The following PKP3 variants were observed in gnomAD, a reference collection of about 807,000 sequenced individuals.
PKP3 encodes plakophilin 3, also known as plakophilin-3.
Under a neutral mutation model 76.5 loss-of-function variants are expected in PKP3, and 66 were observed. That is an observed-to-expected ratio of 0.86 (90% CI 0.71 to 1.06). The LOEUF is 1.06. Ranked by LOEUF, PKP3 falls within the 50% of genes least tolerant of loss-of-function variation. The pLI, the probability that PKP3 is intolerant of heterozygous loss-of-function variation, is 0.00. For synonymous variants in PKP3, 638 were observed against 516.5 expected (o/e 1.24, Z -3.19); for missense variants, 1,338 against 1,141.0 (o/e 1.17, Z -2.49).
chr11:403,924 G>T lies in PKP3; in HGVS notation c.2078-19G>T. The T allele has an allele frequency of 1.3e-6, 2 of 1,582,240 alleles. No homozygotes were observed. Among genetic ancestry groups the T allele is most frequent in the South Asian group, 2.3e-5 (2 of 86,588 alleles). On this transcript the variant is annotated intron_variant, in intron 10 of 12. Coordinates refer to ENST00000331563, the MANE Select transcript of PKP3 (RefSeq NM_007183.4). Reference sequence around the variant, plus strand: ...GTGGCCAGGAGTAGGGGTGCAGACTGACCCCCGGCCTCCCACAGCCACGAA... The same window carrying T: ...GTGGCCAGGAGTAGGGGTGCAGACTTACCCCCGGCCTCCCACAGCCACGAA...
chr11:403,994 A>G lies in PKP3; in HGVS notation c.2129A>G (p.Glu710Gly). ...GAGAAGCTGCCGGGCAGCGTGGGTG[A>G]GAAGTCGCCCCCAGCCGAGGTGCTG... ...LIEKLPGSVG[E>G]KSPPAEVLVN... Residue 710 changes from glutamate to glycine, a missense_variant, in exon 11 of 13, where the codon GAG becomes GGG. By Grantham distance (98) the Glu-to-Gly change is moderately conservative. Coordinates refer to ENST00000331563, the MANE Select transcript of PKP3 (RefSeq NM_007183.4). The G allele has an allele frequency of 6.2e-7, 1 of 1,611,204 alleles. No individual in the cohort carries two copies. The highest frequency in any genetic ancestry group is 1.3e-5 in the African/African-American group (1 of 75,002).
At position 403,198 on chromosome 11, in the gene PKP3, C is replaced by G; in HGVS notation, c.1858C>G (p.Leu620Val). The G allele has an allele frequency of 6.3e-7, 1 of 1,591,058 alleles. No individual in the cohort carries two copies. The highest frequency in any genetic ancestry group is 8.5e-7 in the Non-Finnish European group (1 of 1,170,760). The change falls in exon 9 of 13, where the codon CTC becomes GTC. Residue 620 changes from leucine to valine, a missense_variant. Coordinates refer to ENST00000331563, the MANE Select transcript of PKP3 (RefSeq NM_007183.4). ...LYNRLLQRCELNRHTTEAAAG... is the reference protein window; with the variant it reads ...LYNRLLQRCEVNRHTTEAAAG... ...CAACCGGCTGCTGCAGCGCTGCGAG[C>G]TCAACCGGCACACGACGGAGGCGGC...
At position 404,457 on chromosome 11, in the gene PKP3, A is replaced by C. The variant is rs1425369903; in HGVS notation, c.2359-77A>C. On this transcript the variant is annotated intron_variant, in intron 12 of 12. Transcript: ENST00000331563. This position sits in a 1 kb window ranked among gnomAD's most constrained non-coding sequence, Gnocchi z 4.2. ...AGGAAGGGTCCGGGCCACACCCAGC[A>C]CACTGCAGGAGGGACAGCGGGCAGA... 1.3e-6 allele frequency: 2 copies of C among 1,530,128 alleles called. No individual in the cohort carries two copies. The highest frequency in any genetic ancestry group is 3.3e-5 in the Admixed American group (2 of 59,866). 94.8% of individuals were successfully genotyped at this position (1,530,128 alleles called of 1,614,324 possible). A position where few individuals can be genotyped will look rare whatever the true frequency, so the allele number is the denominator to read the frequency against.
chr11:392,609 C>G (rs1011778137), upstream of PKP3: 22 of 1,276,524 alleles, frequency 1.7e-5, no homozygotes, highest in Non-Finnish European at 2.1e-5. Context: ...GAGGCTGCCC[C>G]GCACGCGCCG....
intron 8 of PKP3, 40 bp downstream of exon 8, chr11:400,745 G>T: frequency 1.8e-6 from 2 of 1,140,950 alleles, no homozygotes; most frequent in South Asian, 3.7e-5. Context: ...TGGGTGCTGC[G>T]ACCCCGGCCC....
At position 397,242 on chromosome 11, in the gene PKP3, C is replaced by A; in HGVS notation, c.741C>A (p.Ala247=). The A allele has an allele frequency of 6.3e-7, 1 of 1,599,740 alleles. No individual in the cohort carries two copies. The highest frequency in any genetic ancestry group is 8.5e-7 in the Non-Finnish European group (1 of 1,178,574). Residue 247 remains alanine (A), a synonymous_variant, in exon 3 of 13, where the codon GCC becomes GCA. Coordinates refer to ENST00000331563, the MANE Select transcript of PKP3 (RefSeq NM_007183.4). ...VSPSRTIRAP[A]VRTLQRFQSS... Reference sequence around the variant, plus strand: ...CGAGCCGGACCATCCGTGCCCCTGCCGTGCGGACCCTGCAGCGATTCCAGA... The same window carrying A: ...CGAGCCGGACCATCCGTGCCCCTGCAGTGCGGACCCTGCAGCGATTCCAGA...
chr11:394,124 G>C, upstream of PKP3: 1 of 1,092,898 alleles, frequency 9.1e-7, no homozygotes, highest in East Asian at 3.3e-5. Context: ...ACCTGGCCAG[G>C]TGTCCCCGCC....
rs1200086272 is a variant in PKP3, at chr11:397,705, C to T, written c.1068+43C>T. 11 of 1,591,644 alleles carry T rather than the reference C, an allele frequency of 6.9e-6. 1 individual carries two copies. The South Asian group carries it at 1.0e-4, about 15-fold the overall frequency. ...CCACTCGCTGCCCCCTGGTGACCTCCTTCGTGGGCCCCACCACCTCCCACT... is the reference window on the plus strand; with the variant it reads ...CCACTCGCTGCCCCCTGGTGACCTCTTTCGTGGGCCCCACCACCTCCCACT... On this transcript the variant is annotated intron_variant, in intron 4 of 12. Coordinates refer to ENST00000331563, the MANE Select transcript of PKP3 (RefSeq NM_007183.4).
Position 400,056 on chromosome 11 carries a change from C to A in PKP3, c.1363C>A (p.Pro455Thr). ...GCAGCTCACAGACCTGGTGTTGAGC[C>A]CCCTGTCGGGGGCTGGGGGTCCCCC... ...LEQLTDLVLS[P>T]LSGAGGPPLI... Residue 455 changes from proline (P) to threonine (T), a missense_variant, in exon 6 of 13, where the codon CCC becomes ACC. Transcript: ENST00000331563. 1.2e-6 allele frequency: 2 copies of A among 1,605,966 alleles called. No homozygotes were observed. Among genetic ancestry groups the A allele is most frequent in the Non-Finnish European group, 1.7e-6 (2 of 1,177,880 alleles).
chr11:393,290 C>G (rs1846999437), upstream of PKP3, among the ~76,000 whole-genome samples: 1 of 151,810 alleles, frequency 6.6e-6, no homozygotes, highest in Non-Finnish European at 1.5e-5. Context: ...CCATCCAGGC[C>G]TCTGCTCTTC....
At chr11:394,107 C>G (rs1847010514), upstream of PKP3, 2 of 898,170 alleles carry the variant, frequency 2.2e-6, no homozygotes, top group African/African-American at 1.8e-5. Context: ...GGCGGCCCCT[C>G]CCTCCCACCT....
chr11:397,057 C>T lies in PKP3; in HGVS notation c.556C>T (p.Leu186=), dbSNP rs1847058496. 1 of 1,599,058 alleles carries T rather than the reference C, an allele frequency of 6.3e-7. No individual in the cohort carries two copies. The highest frequency in any genetic ancestry group is 1.7e-5 in the Admixed American group (1 of 59,908). Residue 186 remains leucine (L), a synonymous_variant, in exon 3 of 13, where the codon CTG becomes TTG. Transcript: ENST00000331563. ...YDTLSLRSLR[L]GPGGLDDRYS... ...CACACTCTCCCTGCGCTCGCTGCGG[C>T]TGGGGCCCGGGGGCCTGGACGACCG... is the stretch of plus-strand genomic sequence containing the variant.
At position 404,328 on chromosome 11, in the gene PKP3, G is replaced by A. The variant is rs762456989; in HGVS notation, c.2358+5G>A. The A allele has an allele frequency of 6.8e-6, 11 of 1,611,068 alleles. No homozygotes were observed. The highest frequency in any genetic ancestry group is 4.4e-5 in the South Asian group (4 of 91,058). ...CTCCACCGTGACTTCCGGGCGGTACGTTTCCCGAGCCCAGGGCAAGCAGGG... is the reference window on the plus strand; with the variant it reads ...CTCCACCGTGACTTCCGGGCGGTACATTTCCCGAGCCCAGGGCAAGCAGGG... On this transcript the variant is annotated splice_donor_5th_base_variant and intron_variant, in intron 12 of 12. Coordinates refer to ENST00000331563, the MANE Select transcript of PKP3 (RefSeq NM_007183.4). This position sits in a 1 kb window ranked among gnomAD's most constrained non-coding sequence, Gnocchi z 4.2.
Position 404,857 on chromosome 11 carries a change from G to A in PKP3, c.*288G>A, listed in dbSNP as rs1847230885. The A allele has an allele frequency of 2.0e-6, 1 of 495,600 alleles. No homozygotes were observed. The highest frequency in any genetic ancestry group is 3.7e-6 in the Non-Finnish European group (1 of 271,288). The allele number at this position is 495,600 out of a possible 1,614,324, so 30.7% of individuals were successfully genotyped here. On this transcript the variant is annotated 3_prime_UTR_variant, in exon 13 of 13. Coordinates refer to ENST00000331563, the MANE Select transcript of PKP3 (RefSeq NM_007183.4). The surrounding 1 kb of genome is among the most constrained non-coding windows in gnomAD (Gnocchi z 4.2). ...AGAGGTGGGGGTTGGCTGTGGCCTG[G>A]CAGTATCTTGGGATAGCCAGCACTG...
Position 404,425 on chromosome 11 carries a change from C to T in PKP3, c.2358+102C>T, listed in dbSNP as rs751614027. On this transcript the variant is annotated intron_variant, in intron 12 of 12. Coordinates refer to ENST00000331563, the MANE Select transcript of PKP3 (RefSeq NM_007183.4). This position sits in a 1 kb window ranked among gnomAD's most constrained non-coding sequence, Gnocchi z 4.2. ...CCCATGGGAGGATGGAGACCAGGGA[C>T]CCAGAGAGGAAGGGTCCGGGCCACA... 1 of 1,476,466 alleles carries T rather than the reference C, an allele frequency of 6.8e-7. No individual in the cohort carries two copies. Among genetic ancestry groups the T allele is most frequent in the Non-Finnish European group, 9.5e-7 (1 of 1,056,290 alleles). The allele number at this position is 1,476,466 out of a possible 1,614,324, so 91.5% of individuals were successfully genotyped here.
intron 5 of PKP3, 125 bp from the exon 6 acceptor site, chr11:399,841 GC>G: frequency 1.3e-6 from 1 of 752,548 alleles, no homozygotes; most frequent in South Asian, 1.8e-5. Flanking sequence ...CCCCAGTGGG[GC>G]TCGTGGGTGA....
In PKP3 at chr11:398,973, C is replaced by T. The variant is rs761688573; in HGVS notation, c.1069-19C>T. On this transcript the variant is annotated intron_variant, in intron 4 of 12. Coordinates refer to ENST00000331563, the MANE Select transcript of PKP3 (RefSeq NM_007183.4). Reference sequence around the variant, plus strand: ...CCATCCACATGCGTCTGTGCACCCCCATATGCCTGTGCCCGCAGGCCCGCA... The same window carrying T: ...CCATCCACATGCGTCTGTGCACCCCTATATGCCTGTGCCCGCAGGCCCGCA... 3 of 1,542,170 alleles carry T rather than the reference C, an allele frequency of 1.9e-6. No homozygotes were observed. The highest frequency in any genetic ancestry group is 2.7e-5 in the African/African-American group (2 of 73,616).
chr11:404,376 G>A lies in PKP3; in HGVS notation c.2358+53G>A, dbSNP rs777392648. ...GGGACCCGGGTGCAGGGCATGGGAC[G>A]CCGGGGGAGGGTCAGTGAAGAGGCC... On this transcript the variant is annotated intron_variant, in intron 12 of 12. Transcript: ENST00000331563. This position sits in a 1 kb window ranked among gnomAD's most constrained non-coding sequence, Gnocchi z 4.2. 16 of 1,532,352 alleles carry A rather than the reference G, an allele frequency of 1.0e-5. No homozygotes were observed. Among genetic ancestry groups the A allele is most frequent in the African/African-American group, 5.5e-5 (4 of 73,294 alleles). 94.9% of individuals were successfully genotyped at this position (1,532,352 alleles called of 1,614,324 possible).
chr11:396,871 G>A lies in PKP3; in HGVS notation c.370G>A (p.Ala124Thr), dbSNP rs745575978. Residue 124 changes from alanine (A) to threonine (T), a missense_variant, in exon 3 of 13, where the codon GCC becomes ACC. Transcript: ENST00000331563. ...YSPASWSSRSAVDLSCSRRLS... is the reference protein window; with the variant it reads ...YSPASWSSRSTVDLSCSRRLS... Reference sequence around the variant, plus strand: ...CCCAGCCTCCTGGTCCTCCCGCTCCGCCGTGGATCTGAGCTGCAGTCGGAG... The same window carrying A: ...CCCAGCCTCCTGGTCCTCCCGCTCCACCGTGGATCTGAGCTGCAGTCGGAG... 3.6e-5 allele frequency: 58 copies of A among 1,599,664 alleles called. No individual in the cohort carries two copies. The highest frequency in any genetic ancestry group is 3.1e-4 in the East Asian group (14 of 44,528).
Sources: gnomAD v4.1 joint callset for allele counts (sites outside exome capture counted in the v4.1 genomes callset) on GRCh38, gnomAD v4.1.1 for gene constraint, Gnocchi (gnomAD v3.1) non-coding constraint, MANE v1.5 for transcripts, NCBI Gene and HGNC (gene_info 2026-07-23, HGNC 2026-07-21) for gene names.